Variants in UNC13C observed in about 807,000 individuals in gnomAD.
UNC13C encodes the protein protein unc-13 homolog C.
Under a neutral mutation model 245.4 loss-of-function variants are expected in UNC13C, and 174 were observed. The ratio of observed to expected loss-of-function variants is 0.71; its 90% CI spans 0.63 to 0.80. The LOEUF is 0.80. Among genes scored for constraint, UNC13C ranks in the 30% least tolerant of loss-of-function variants. The pLI is 0.00. For missense variants in UNC13C, 2,829 were observed against 2,602.9 expected, an observed-to-expected ratio of 1.09 and a Z score of -1.89; for synonymous variants, 992 against 895.1, an observed-to-expected ratio of 1.11 and a Z score of -1.93.
At chr15:54,161,359 A>G (rs1218322234) in intron 4 of UNC13C, among the ~76,000 whole-genome samples, 1 of 152,204 alleles carries the variant, frequency 6.6e-6, no homozygotes, top group African/African-American at 2.4e-5. Flanking sequence ...TTAGTCATAA[A>G]GCCATTTCTT....
At chr15:54,307,776 C>T (rs2037765118) in intron 13 of UNC13C, among the ~76,000 whole-genome samples, 1 of 151,894 alleles carries the variant, frequency 6.6e-6, no homozygotes, top group South Asian at 2.1e-4. Flanking sequence ...TACTCAAAAT[C>T]TCCATAACTG....
At chr15:54,078,937 G>T (rs1374781364) in intron 2 of UNC13C, among the ~76,000 whole-genome samples, 1 of 152,046 alleles carries the variant, frequency 6.6e-6, no homozygotes, top group Non-Finnish European at 1.5e-5. Flanking sequence ...AATTTTTATA[G>T]TTTCAGGTCT....
chr15:53,997,293 G>C (rs955768416), intron 1 of UNC13C, among the ~76,000 whole-genome samples: 3 of 152,230 alleles, frequency 2.0e-5, no homozygotes, highest in Admixed American at 2.0e-4. Context: ...GGGTTGGTGT[G>C]TGTGCATGCA....
intron 17 of UNC13C, among the ~76,000 whole-genome samples, chr15:54,345,575 G>A (rs1046019439): frequency 3.3e-5 from 5 of 152,152 alleles, no homozygotes; most frequent in African/African-American, 9.7e-5. Flanking sequence ...CGGACTTTGG[G>A]TGTTTAAGAA....
intron 19 of UNC13C, among the ~76,000 whole-genome samples, chr15:54,445,930 A>G (rs899996153): frequency 9.2e-5 from 14 of 152,128 alleles, no homozygotes; most frequent in Non-Finnish European, 1.9e-4. Context: ...TTTTAGGTCT[A>G]ACATTTAAGT....
Position 54,392,847 on chromosome 15 carries a change from T to C in UNC13C, c.4714-201T>C, listed in dbSNP as rs564111069. On this transcript the variant is annotated intron_variant, in intron 17 of 32. Transcript: ENST00000260323. ...CCAATATTTAAAAAGTGATTAGAAA[T>C]ACAAGCCAGGCCACTGTGAGTTTAT... 1.7e-4 allele frequency among the ~76,000 whole-genome samples: 26 copies of C among 152,016 alleles called. 1 individual carries two copies. In the South Asian group the frequency reaches 5.0e-3, roughly 29 times the overall value.
chr15:53,929,361 C>A, the UNC13C span, among the ~76,000 whole-genome samples: 1 of 152,150 alleles, frequency 6.6e-6, no homozygotes, highest in Admixed American at 6.5e-5. Context: ...CAAACCATAT[C>A]ATTTTTACCT....
the UNC13C span, among the ~76,000 whole-genome samples, chr15:53,937,464 G>C: frequency 6.6e-6 from 1 of 152,170 alleles, no homozygotes; most frequent in Non-Finnish European, 1.5e-5. Context: ...TCATACTTTA[G>C]GATTTCATAC....
At chr15:54,325,070 G>C (rs2140984876) in intron 14 of UNC13C, among the ~76,000 whole-genome samples, 1 of 151,978 alleles carries the variant, frequency 6.6e-6, no homozygotes, top group East Asian at 1.9e-4. Context: ...CCAAAAGATT[G>C]AATATCCCTG....
At chr15:54,305,095 C>T (rs1009618851) in intron 13 of UNC13C, among the ~76,000 whole-genome samples, 1 of 152,038 alleles carries the variant, frequency 6.6e-6, no homozygotes, top group East Asian at 1.9e-4. Flanking sequence ...TCTTTCATTA[C>T]TGCTTCATAA....
the UNC13C span, among the ~76,000 whole-genome samples, chr15:53,950,273 A>G: frequency 6.6e-6 from 1 of 152,218 alleles, no homozygotes; most frequent in African/African-American, 2.4e-5. Flanking sequence ...TGTAGACAAT[A>G]ATAGTCCCAT....
chr15:53,841,973 T>C, the UNC13C span, among the ~76,000 whole-genome samples: 1 of 152,216 alleles, frequency 6.6e-6, no homozygotes, highest in African/African-American at 2.4e-5. Flanking sequence ...GATCTTTATA[T>C]GTTAAAGCAA....
chr15:54,608,235 A>C (rs1899882589), intron 30 of UNC13C, among the ~76,000 whole-genome samples: 1 of 152,232 alleles, frequency 6.6e-6, no homozygotes, highest in Non-Finnish European at 1.5e-5. Context: ...AAATAAAAAC[A>C]AAAAGACGTA....
intron 2 of UNC13C, among the ~76,000 whole-genome samples, chr15:54,040,506 GA>G (rs917574235): frequency 1.1e-3 from 162 of 152,240 alleles, no homozygotes; most frequent in African/African-American, 3.9e-3. Flanking sequence ...ATTAATGTTT[GA>G]GAAACACTCT....
chr15:54,568,286 C>T (rs1317021709), intron 30 of UNC13C, among the ~76,000 whole-genome samples: 1 of 152,006 alleles, frequency 6.6e-6, no homozygotes, highest in African/African-American at 2.4e-5. Flanking sequence ...ATAAAAGACT[C>T]AGTGGATTTC....
Position 54,511,936 on chromosome 15 carries a change from A to G in UNC13C, c.5457+106A>G, listed in dbSNP as rs1894764684. The G allele has an allele frequency of 4.9e-5, 36 of 733,506 alleles. No homozygotes were observed. The South Asian group carries it at 5.7e-4, about 12-fold the overall frequency. 45.4% of individuals were successfully genotyped at this position (733,506 alleles called of 1,614,324 possible). ...TAATCAAGTTTTTACATGGTTAACT[A>G]AGAACAGGAAATGATAATAATCTCA... On this transcript the variant is annotated intron_variant, in intron 24 of 32. Transcript: ENST00000260323.
chr15:54,098,715 C>A (rs577692292), intron 2 of UNC13C, among the ~76,000 whole-genome samples: 113 of 152,036 alleles, frequency 7.4e-4, no homozygotes, highest in Non-Finnish European at 1.5e-3. Flanking sequence ...TACTGTTGAA[C>A]TTTTTACCAT....
the UNC13C span, among the ~76,000 whole-genome samples, chr15:53,947,283 G>C: frequency 6.6e-6 from 1 of 152,126 alleles, no homozygotes; most frequent in Non-Finnish European, 1.5e-5. Context: ...TAAGTTACAG[G>C]CTGTGTCTTT....
the UNC13C span, among the ~76,000 whole-genome samples, chr15:53,859,939 C>T: frequency 1.3e-5 from 2 of 152,164 alleles, no homozygotes; most frequent in Non-Finnish European, 2.9e-5. Flanking sequence ...TGAGAAATAT[C>T]TGCACTGTCC....
Sources: gnomAD v4.1 joint callset for allele counts (sites outside exome capture counted in the v4.1 genomes callset) on GRCh38, gnomAD v4.1.1 for gene constraint, MANE v1.5 for transcripts, NCBI Gene and HGNC (gene_info 2026-07-23, HGNC 2026-07-21) for gene names.